Variants in NELL1 observed in about 807,000 individuals in gnomAD.
NELL1 encodes the protein neural EGFL like 1, also known as protein kinase C-binding protein NELL1.
In NELL1, 76 loss-of-function variants were observed where a neutral mutation model predicts 107.4. The observed-to-expected ratio is 0.71, with a 90% CI of 0.59 to 0.86. NELL1 has a LOEUF of 0.86. Among genes scored for constraint, NELL1 ranks in the 40% least tolerant of loss-of-function variants. The pLI is 0.00. For missense variants in NELL1, 1,024 were observed against 1,005.5 expected (o/e 1.02, Z -0.25); for synonymous variants, 353 against 341.2 (o/e 1.03, Z -0.38).
chr11:20,703,957 G>A (rs1283261903), intron 2 of NELL1, among the ~76,000 whole-genome samples: 2 of 152,206 alleles, frequency 1.3e-5, no homozygotes, highest in Admixed American at 6.5e-5. Flanking sequence ...GTGTGATGTG[G>A]TGCTGAGAAG....
chr11:21,465,518 T>C (rs536816774), intron 15 of NELL1, among the ~76,000 whole-genome samples: 2 of 152,238 alleles, frequency 1.3e-5, no homozygotes, highest in Non-Finnish European at 2.9e-5. Context: ...AGCATTTTCA[T>C]TTTCTTTCTG....
At chr11:21,053,127 T>A (rs1236366278) in intron 12 of NELL1, among the ~76,000 whole-genome samples, 1 of 152,038 alleles carries the variant, frequency 6.6e-6, no homozygotes, top group Non-Finnish European at 1.5e-5. Context: ...GACCCATTGT[T>A]TTTATTATTA....
At chr11:21,099,445 C>T (rs757315399) in intron 12 of NELL1, among the ~76,000 whole-genome samples, 7 of 152,022 alleles carry the variant, frequency 4.6e-5, no homozygotes, top group South Asian at 2.1e-4. Context: ...TTGGCTGGCT[C>T]GGTGGATGAG....
intron 14 of NELL1, among the ~76,000 whole-genome samples, chr11:21,324,386 A>G (rs375092503): frequency 4.6e-5 from 7 of 152,150 alleles, no homozygotes; most frequent in African/African-American, 1.7e-4. Context: ...AAAATTGAAA[A>G]TAAAGTTAGC....
intron 15 of NELL1, among the ~76,000 whole-genome samples, chr11:21,497,764 A>G (rs1477410659): frequency 6.6e-6 from 1 of 152,086 alleles, no homozygotes; most frequent in Non-Finnish European, 1.5e-5. Context: ...AGGGGGTATA[A>G]CATTTTCAAC....
chr11:21,299,507 TTATATGTGTGTGTG>T (rs1369390293), intron 14 of NELL1, among the ~76,000 whole-genome samples: 2 of 138,828 alleles, frequency 1.4e-5, no homozygotes, highest in Non-Finnish European at 3.1e-5. Context: ...TTTTATTGTC[TTATATGTGTGTGTG>T]TGTGTGTGTG....
intron 5 of NELL1, among the ~76,000 whole-genome samples, chr11:20,908,567 A>C (rs1312651357): frequency 6.6e-6 from 1 of 152,074 alleles, no homozygotes; most frequent in African/African-American, 2.4e-5. Flanking sequence ...GGATGGGGGA[A>C]AGGGGAGGGA....
At chr11:21,529,808 A>G (rs1855950355) in intron 15 of NELL1, among the ~76,000 whole-genome samples, 1 of 152,056 alleles carries the variant, frequency 6.6e-6, no homozygotes, top group Non-Finnish European at 1.5e-5. Flanking sequence ...TAATATCCAG[A>G]CTGTGCTTAA....
chr11:20,805,680 T>C (rs1452873717), intron 3 of NELL1, among the ~76,000 whole-genome samples: 1 of 152,172 alleles, frequency 6.6e-6, no homozygotes, highest in Non-Finnish European at 1.5e-5. Flanking sequence ...TTTTTTGTAT[T>C]TTTAGTAGAG....
At chr11:20,907,635 G>T (rs1447853304) in intron 5 of NELL1, among the ~76,000 whole-genome samples, 2 of 152,042 alleles carry the variant, frequency 1.3e-5, no homozygotes. Flanking sequence ...CTTGTATATT[G>T]CTGGTGGAAA....
chr11:21,563,229 G>A (rs959745752), intron 17 of NELL1, among the ~76,000 whole-genome samples: 1 of 152,028 alleles, frequency 6.6e-6, no homozygotes, highest in Non-Finnish European at 1.5e-5. Flanking sequence ...TCATAAATTT[G>A]TCTAGGACTT....
chr11:21,004,242 T>A (rs1852283316), intron 12 of NELL1, among the ~76,000 whole-genome samples: 3 of 152,202 alleles, frequency 2.0e-5, no homozygotes, highest in Non-Finnish European at 4.4e-5. Flanking sequence ...ATGCTTATTA[T>A]GTGTACTGGC....
intron 13 of NELL1, among the ~76,000 whole-genome samples, chr11:21,167,772 C>T (rs1856518106): frequency 6.6e-6 from 1 of 151,686 alleles, no homozygotes. Context: ...ACAAGCTATT[C>T]CCTCTGCTTG....
intron 3 of NELL1, among the ~76,000 whole-genome samples, chr11:20,821,678 G>C (rs1021332792): frequency 2.0e-5 from 3 of 152,198 alleles, no homozygotes; most frequent in Non-Finnish European, 2.9e-5. Context: ...AATTTTAATA[G>C]AGCCTCAGCA....
At chr11:20,765,216 A>T (rs142758199) in intron 2 of NELL1, among the ~76,000 whole-genome samples, 1 of 152,306 alleles carries the variant, frequency 6.6e-6, no homozygotes, top group African/African-American at 2.4e-5. Context: ...GCTACTGTAT[A>T]CTGTAGGCAT....
At chr11:21,293,952 G>T (rs1849324001) in intron 14 of NELL1, among the ~76,000 whole-genome samples, 1 of 152,090 alleles carries the variant, frequency 6.6e-6, no homozygotes, top group Non-Finnish European at 1.5e-5. Context: ...CTAGGGGAGG[G>T]ATAGCAATAG....
rs866050254 is a variant in NELL1, at chr11:20,895,067, C to T, written c.603+9527C>T. ...CGGGCGGATCACGAGGTCAGGAGATCGAGACCATCCCGGCTAAAACGGTGA... is the reference window on the plus strand; with the variant it reads ...CGGGCGGATCACGAGGTCAGGAGATTGAGACCATCCCGGCTAAAACGGTGA... On this transcript the variant is annotated intron_variant, in intron 5 of 19. Transcript: ENST00000357134. Among the ~76,000 whole-genome samples, 33 of 143,262 alleles carry T rather than the reference C, an allele frequency of 2.3e-4. 3 individuals carry two copies. The highest frequency in any genetic ancestry group is 9.6e-4 in the African/African-American group (33 of 34,408). The allele number at this position is 143,262 out of a possible 152,430, so 94.0% of individuals were successfully genotyped here.
At chr11:20,751,283 G>C (rs530906904) in intron 2 of NELL1, among the ~76,000 whole-genome samples, 2 of 151,688 alleles carry the variant, frequency 1.3e-5, no homozygotes, top group African/African-American at 4.8e-5. Context: ...TTTTGATTTG[G>C]ATTGCATTAA....
At chr11:20,979,604 G>C (rs1381192094) in intron 12 of NELL1, among the ~76,000 whole-genome samples, 1 of 152,104 alleles carries the variant, frequency 6.6e-6, no homozygotes, top group Non-Finnish European at 1.5e-5. Flanking sequence ...CTGCCTAATT[G>C]GAATTTTTGA....
Sources: gnomAD v4.1 joint callset for allele counts (sites outside exome capture counted in the v4.1 genomes callset) on GRCh38, gnomAD v4.1.1 for gene constraint, MANE v1.5 for transcripts, NCBI Gene and HGNC (gene_info 2026-07-23, HGNC 2026-07-21) for gene names.